LOXHD1: variants seen among roughly 807,000 people sequenced by gnomAD.
The protein encoded by LOXHD1 is lipoxygenase homology domain-containing protein 1.
LOXHD1 carries 205 observed loss-of-function variants against 248.2 expected under a neutral mutation model. The ratio of observed to expected loss-of-function variants is 0.83; its 90% CI spans 0.74 to 0.93. The LOEUF is 0.93. Among genes scored for constraint, LOXHD1 ranks in the 40% least tolerant of loss-of-function variants. LOXHD1 has a pLI of 0.00. For missense variants in LOXHD1, 2,930 were observed against 2,971.6 expected (o/e 0.99, Z 0.33); for synonymous variants, 1,113 against 1,162.8 (o/e 0.96, Z 0.87).
chr18:46,573,257 C>T (rs1413927673), intron 14 of LOXHD1, among the ~76,000 whole-genome samples: 2 of 152,050 alleles, frequency 1.3e-5, no homozygotes, highest in Non-Finnish European at 1.5e-5. Context: ...GAGTGAGCCA[C>T]GGTCCCAGCT....
intron 8 of LOXHD1, among the ~76,000 whole-genome samples, chr18:46,597,586 C>T (rs1303832509): frequency 1.3e-5 from 2 of 150,008 alleles, no homozygotes; most frequent in Non-Finnish European, 2.9e-5. Context: ...ACACCCCTAC[C>T]TGTACAATTT....
intron 21 of LOXHD1, among the ~76,000 whole-genome samples, 185 bp downstream of exon 21, chr18:46,557,171 C>A (rs2037375455): frequency 6.9e-6 from 1 of 143,920 alleles, no homozygotes; most frequent in East Asian, 2.2e-4. Flanking sequence ...TCTCAGTGCA[C>A]CCCAGTCCAC....
In LOXHD1 at chr18:46,594,382, T is replaced by C; in HGVS notation, c.1219A>G (p.Ile407Val). 1 of 1,551,680 alleles carries C rather than the reference T, an allele frequency of 6.4e-7. No homozygotes were observed. The highest frequency in any genetic ancestry group is 1.7e-4 in the Middle Eastern group (1 of 5,988). ...WLDEKKADGL[I>V]ERQLYEMVSL... ...ACCATCTCATAGAGCTGCCTCTCAA[T>C]CAACCCATCCGCTTTCTTCTCATCC... Residue 407 changes from isoleucine (I) to valine (V), a missense_variant, in exon 9 of 41, where the codon ATT becomes GTT. Ile to Val is a conservative substitution (Grantham distance 29, BLOSUM62 3). Transcript: ENST00000642948.
At chr18:46,544,130 G>C (rs1050969423) in intron 23 of LOXHD1, among the ~76,000 whole-genome samples, 5 of 152,310 alleles carry the variant, frequency 3.3e-5, no homozygotes, top group African/African-American at 1.2e-4. Flanking sequence ...CATGTAGAAA[G>C]TCTTCTGCTA....
Position 46,488,266 on chromosome 18 carries a change from G to A in LOXHD1, c.6049+706C>T, listed in dbSNP as rs114860199. On this transcript the variant is annotated intron_variant, in intron 38 of 40. Transcript: ENST00000642948. ...GGAGCTTGGGTCCCTAAATCACTCC[G>A]TGGAAGACCTCCCACCAAACACACA... Among the ~76,000 whole-genome samples the A allele has an allele frequency of 8.2e-3, 1,253 of 152,302 alleles. 20 individuals carry two copies. Among genetic ancestry groups the A allele is most frequent in the African/African-American group, 0.028 (1,170 of 41,560 alleles).
At chr18:46,572,963 C>T (rs1008609778) in intron 14 of LOXHD1, among the ~76,000 whole-genome samples, 3 of 130,556 alleles carry the variant, frequency 2.3e-5, no homozygotes, top group African/African-American at 8.6e-5. Context: ...GCGGAGCTTG[C>T]AGTGAGCAGA....
intron 34 of LOXHD1, among the ~76,000 whole-genome samples, chr18:46,515,455 A>C (rs2035200726): frequency 6.6e-6 from 1 of 151,930 alleles, no homozygotes; most frequent in South Asian, 2.1e-4. Context: ...TCACAAAATA[A>C]ATCTTTATTC....
chr18:46,647,767 G>A (rs1299536235), intron 2 of LOXHD1, among the ~76,000 whole-genome samples: 1 of 152,194 alleles, frequency 6.6e-6, no homozygotes, highest in Non-Finnish European at 1.5e-5. Context: ...AGCCCCCAAG[G>A]TACAGGGTGC....
In LOXHD1 at chr18:46,507,630, G is replaced by T. The variant is rs745652167; in HGVS notation, c.5600C>A (p.Thr1867Asn). 1.6e-5 allele frequency: 25 copies of T among 1,551,582 alleles called. No individual in the cohort carries two copies. The Admixed American group carries it at 2.0e-4, about 12-fold the overall frequency. The stretch of plus-strand genomic sequence containing the variant: ...AACGGCACACATTTCACACACCAGG[G>T]TCTTCTTGCCCTTCCGCTGGGACAG... Reference protein sequence around the residue: ...DWLSQRKGKKTLVCEMCAVID... With the variant: ...DWLSQRKGKKNLVCEMCAVID... Residue 1867 changes from threonine (T) to asparagine (N), a missense_variant, in exon 36 of 41, where the codon ACC (threonine) becomes AAC (asparagine). Coordinates refer to ENST00000642948, the MANE Select transcript of LOXHD1 (RefSeq NM_001384474.1).
At chr18:46,601,715 T>C (rs1272627683) in intron 7 of LOXHD1, 6 of 502,004 alleles carry the variant, frequency 1.2e-5, no homozygotes, top group Middle Eastern at 5.6e-4. Flanking sequence ...TACAGGAAGC[T>C]GTCAGTGCTG....
chr18:46,584,948 A>G (rs573271653), intron 12 of LOXHD1, among the ~76,000 whole-genome samples: 103 of 152,314 alleles, frequency 6.8e-4, no homozygotes, highest in African/African-American at 2.3e-3. Context: ...AATTAATAGA[A>G]TAAAAAGCAA....
chr18:46,632,481 C>T (rs1399803342), intron 4 of LOXHD1, among the ~76,000 whole-genome samples: 1 of 152,190 alleles, frequency 6.6e-6, no homozygotes, highest in East Asian at 1.9e-4. Context: ...GGAGACAGTG[C>T]TTAACTTCCA....
At position 46,522,266 on chromosome 18, in the gene LOXHD1, G is replaced by A. The variant is rs373551323; in HGVS notation, c.4920C>T (p.Asp1640=). ...TGAAGGCTCGGCTGTCAGTGGCCGC[G>A]TCCTTGTGCTTCCCAGTGGTGACTG... The part of the protein sequence containing the change: ...YVSVTTGKHK[D]AATDSRAFIF... The change falls in exon 32 of 41, where the codon GAC becomes GAT. Residue 1640 remains aspartate (D), a synonymous_variant. Coordinates refer to ENST00000642948, the MANE Select transcript of LOXHD1 (RefSeq NM_001384474.1). The A allele has an allele frequency of 3.2e-5, 50 of 1,551,700 alleles. No individual in the cohort carries two copies. Among genetic ancestry groups the A allele is most frequent in the Middle Eastern group, 3.3e-4 (2 of 6,014 alleles).
intron 29 of LOXHD1, among the ~76,000 whole-genome samples, chr18:46,526,400 C>A (rs2035832211): frequency 6.6e-6 from 1 of 152,174 alleles, no homozygotes; most frequent in African/African-American, 2.4e-5. Context: ...GCCATGCACG[C>A]CAAGGGCAAG....
intron 37 of LOXHD1, among the ~76,000 whole-genome samples, chr18:46,492,550 G>A (rs1057393487): frequency 6.6e-6 from 1 of 152,082 alleles, no homozygotes; most frequent in African/African-American, 2.4e-5. Flanking sequence ...ATCTCCCCCT[G>A]GTCTCGCCTT....
chr18:46,592,466 A>T (rs1199298429), intron 11 of LOXHD1, 32 bp downstream of exon 11: 1 of 1,517,880 alleles, frequency 6.6e-7, no homozygotes, highest in East Asian at 2.5e-5. Context: ...CTTTCCCAAC[A>T]ACCTCCCAAA....
At chr18:46,514,664 C>T (rs1202789984) in intron 34 of LOXHD1, among the ~76,000 whole-genome samples, 1 of 152,186 alleles carries the variant, frequency 6.6e-6, no homozygotes, top group Non-Finnish European at 1.5e-5. Context: ...AGCTCAGCCT[C>T]TTTCCATGCT....
chr18:46,491,907 G>GC (rs938846919), intron 37 of LOXHD1, among the ~76,000 whole-genome samples: 16 of 152,142 alleles, frequency 1.1e-4, no homozygotes, highest in South Asian at 2.1e-4. Flanking sequence ...TCCCACTGTG[G>GC]CCCCCTTTCC....
At chr18:46,490,722 G>A (rs967811006) in intron 37 of LOXHD1, among the ~76,000 whole-genome samples, 12 of 152,198 alleles carry the variant, frequency 7.9e-5, no homozygotes, top group Non-Finnish European at 1.5e-4. Flanking sequence ...TGATCCACCC[G>A]CCTCAGCCTC....
Sources: gnomAD v4.1 joint callset for allele counts (sites outside exome capture counted in the v4.1 genomes callset) on GRCh38, gnomAD v4.1.1 for gene constraint, MANE v1.5 for transcripts, NCBI Gene and HGNC (gene_info 2026-07-23, HGNC 2026-07-21) for gene names.